The following SNTA1 variants were observed in gnomAD, a reference collection of about 807,000 sequenced individuals.
SNTA1 encodes syntrophin alpha 1, also known as alpha-1-syntrophin.
Under a neutral mutation model 47.1 loss-of-function variants are expected in SNTA1, and 31 were observed. The observed-to-expected ratio is 0.66, with a 90% CI of 0.49 to 0.89. The LOEUF is 0.89. Ranked by LOEUF, SNTA1 falls within the 40% of genes least tolerant of loss-of-function variation. The pLI is 0.00. For missense variants in SNTA1, 575 were observed against 693.0 expected (o/e 0.83, Z 1.91); for synonymous variants, 300 against 313.6 (o/e 0.96, Z 0.46).
chr20:33,423,313 C>T (rs1191799300), intron 2 of SNTA1, among the ~76,000 whole-genome samples: 1 of 152,168 alleles, frequency 6.6e-6, no homozygotes, highest in Non-Finnish European at 1.5e-5. Flanking sequence ...CCATAAATAG[C>T]CCAACTCTGA....
chr20:33,409,513 G>A (rs1307037303), intron 6 of SNTA1, among the ~76,000 whole-genome samples: 1 of 152,120 alleles, frequency 6.6e-6, no homozygotes, highest in East Asian at 1.9e-4. Context: ...AGGCTGGAGT[G>A]CAGTGGGCGC....
At chr20:33,415,511 G>A (rs910342289) in intron 3 of SNTA1, among the ~76,000 whole-genome samples, 3 of 152,020 alleles carry the variant, frequency 2.0e-5, no homozygotes, top group South Asian at 2.1e-4. Context: ...AGCCGGGCGC[G>A]GTGGCTCATG....
At chr20:33,429,797 C>G (rs1990255568) in intron 2 of SNTA1, among the ~76,000 whole-genome samples, 2 of 152,038 alleles carry the variant, frequency 1.3e-5, no homozygotes, top group African/African-American at 4.8e-5. Context: ...GGGTCTCACT[C>G]TGTCACCCAA....
At chr20:33,424,716 G>A (rs1990121364) in intron 2 of SNTA1, among the ~76,000 whole-genome samples, 1 of 151,292 alleles carries the variant, frequency 6.6e-6, no homozygotes, top group Admixed American at 6.6e-5. Context: ...GTTTTGTCTT[G>A]TTGCCCAGGT....
At chr20:33,436,837 G>C (rs905851034) in intron 2 of SNTA1, among the ~76,000 whole-genome samples, 1 of 150,832 alleles carries the variant, frequency 6.6e-6, no homozygotes, top group East Asian at 1.9e-4. Context: ...GTGGTAGTGC[G>C]CACCTGTAGT....
Position 33,439,075 on chromosome 20 carries a change from T to C in SNTA1, c.311-49A>G, listed in dbSNP as rs780792478. The C allele has an allele frequency of 2.0e-6, 3 of 1,501,128 alleles. No homozygotes were observed. The East Asian group carries it at 6.8e-5, about 34-fold the overall frequency. 93.0% of individuals were successfully genotyped at this position (1,501,128 alleles called of 1,614,324 possible). The stretch of plus-strand genomic sequence containing the variant: ...AAGACTTAGGCAGATACTCCAACAC[T>C]TGGGAGTCACATCAAGACACAATTA... On this transcript the variant is annotated intron_variant, in intron 1 of 7. Coordinates refer to ENST00000217381, the MANE Select transcript of SNTA1 (RefSeq NM_003098.3).
intron 1 of SNTA1, among the ~76,000 whole-genome samples, chr20:33,440,685 G>A (rs946364136): frequency 2.0e-5 from 3 of 152,032 alleles, no homozygotes; most frequent in African/African-American, 7.2e-5. Context: ...AGGCATGGCG[G>A]TGTGTGCCTA....
At chr20:33,440,380 G>A (rs937300731) in intron 1 of SNTA1, among the ~76,000 whole-genome samples, 2 of 151,894 alleles carry the variant, frequency 1.3e-5, no homozygotes, top group Non-Finnish European at 2.9e-5. Flanking sequence ...TGCTTGAACC[G>A]GGAGGCTGAG....
At chr20:33,424,815 C>T (rs1990123788) in intron 2 of SNTA1, among the ~76,000 whole-genome samples, 1 of 148,700 alleles carries the variant, frequency 6.7e-6, no homozygotes. Flanking sequence ...GCCTGGCCTA[C>T]AAAAAATTTT....
chr20:33,437,738 C>T (rs980577045), intron 2 of SNTA1, among the ~76,000 whole-genome samples: 22 of 152,194 alleles, frequency 1.4e-4, no homozygotes, highest in African/African-American at 5.3e-4. Flanking sequence ...ACACATTCCT[C>T]AGGCCCCCAC....
chr20:33,422,105 G>A (rs1471464480), intron 2 of SNTA1, among the ~76,000 whole-genome samples: 2 of 151,846 alleles, frequency 1.3e-5, no homozygotes, highest in South Asian at 2.1e-4. Flanking sequence ...CTAGGTCTCC[G>A]ATTCTGTGTG....
intron 2 of SNTA1, among the ~76,000 whole-genome samples, chr20:33,418,202 C>T (rs1159699639): frequency 6.6e-6 from 1 of 151,798 alleles, no homozygotes; most frequent in African/African-American, 2.4e-5. Flanking sequence ...ATACAGCCAC[C>T]TGGAAGAAAG....
At chr20:33,432,935 ATT>A (rs1285525922) in intron 2 of SNTA1, among the ~76,000 whole-genome samples, 1 of 147,478 alleles carries the variant, frequency 6.8e-6, no homozygotes. Context: ...CACTTTATTA[ATT>A]TTTTTTTTTT....
rs756764504 is a variant in SNTA1 at position 33,437,689 on chromosome 20, C to T, written c.496+1152G>A. ...GGCCGTGTTATTCTCCATCAGCCCC[C>T]GCCACCTCCCTGTGCCTGTTCTGGG... On this transcript the variant is annotated intron_variant, in intron 2 of 7. Coordinates refer to ENST00000217381, the MANE Select transcript of SNTA1 (RefSeq NM_003098.3). 4.6e-5 allele frequency among the ~76,000 whole-genome samples: 7 copies of T among 152,176 alleles called. No homozygotes were observed. In the South Asian group the frequency reaches 6.2e-4, roughly 14 times the overall value.
At chr20:33,415,682 T>C (rs1303123692) in intron 3 of SNTA1, among the ~76,000 whole-genome samples, 3 of 150,980 alleles carry the variant, frequency 2.0e-5, no homozygotes, top group Admixed American at 2.0e-4. Context: ...TCCCAGCTAC[T>C]CAGGAGGCTG....
intron 2 of SNTA1, among the ~76,000 whole-genome samples, chr20:33,421,324 G>A (rs1247732074): frequency 6.6e-6 from 1 of 152,104 alleles, no homozygotes; most frequent in Non-Finnish European, 1.5e-5. Flanking sequence ...AGTAAAAGAT[G>A]AATAGGGCTG....
intron 2 of SNTA1, among the ~76,000 whole-genome samples, chr20:33,424,837 C>G (rs1053730967): frequency 6.6e-6 from 1 of 151,146 alleles, no homozygotes; most frequent in Admixed American, 6.6e-5. Flanking sequence ...AAAAACTAGG[C>G]CGGGCACAGT....
intron 2 of SNTA1, among the ~76,000 whole-genome samples, chr20:33,418,792 CAAAAA>C (rs760390793): frequency 1.7e-5 from 1 of 57,436 alleles, no homozygotes; most frequent in Non-Finnish European, 2.8e-5. Context: ...GACTCTGTCT[CAAAAA>C]AAAAAAAAAA....
intron 2 of SNTA1, among the ~76,000 whole-genome samples, chr20:33,428,135 A>C (rs1467754509): frequency 6.6e-6 from 1 of 152,138 alleles, no homozygotes; most frequent in Non-Finnish European, 1.5e-5. Flanking sequence ...GGCCGGGCAC[A>C]GTGGCTCACA....
Sources: gnomAD v4.1 joint callset for allele counts (sites outside exome capture counted in the v4.1 genomes callset) on GRCh38, gnomAD v4.1.1 for gene constraint, MANE v1.5 for transcripts, NCBI Gene and HGNC (gene_info 2026-07-23, HGNC 2026-07-21) for gene names.